Variants in SLC24A2 observed in about 807,000 individuals in gnomAD.
The protein encoded by SLC24A2 is sodium/potassium/calcium exchanger 2.
A neutral mutation model predicts 62.0 loss-of-function variants in SLC24A2; 36 were observed. That is an observed-to-expected ratio of 0.58 (90% confidence interval 0.44 to 0.77). The LOEUF (loss-of-function observed/expected upper bound fraction) is 0.77, where lower values mean the gene tolerates loss of function less well. Ranked by LOEUF, SLC24A2 falls within the 30% of genes least tolerant of loss-of-function variation. The pLI is 0.00. For synonymous variants in SLC24A2, 358 were observed against 294.0 expected, an observed-to-expected ratio of 1.22 and a Z score of -2.23; for missense variants, 846 against 817.9, an observed-to-expected ratio of 1.03 and a Z score of -0.42.
chr9:19,846,474 A>C, the SLC24A2 span, among the ~76,000 whole-genome samples: 3 of 152,074 alleles, frequency 2.0e-5, no homozygotes, highest in South Asian at 6.2e-4. Flanking sequence ...CCCTGATCCT[A>C]TGGGTGTAAT....
chr9:19,507,607 A>T lies in SLC24A2; in HGVS notation c.*8546T>A, dbSNP rs1832547427. 1 of 152,260 alleles carries T rather than the reference A, an allele frequency of 6.6e-6. No homozygotes were observed. The highest frequency in any genetic ancestry group is 2.1e-4 in the South Asian group (1 of 4,836). 9.4% of individuals were successfully genotyped at this position (152,260 alleles called of 1,614,324 possible). The stretch of plus-strand genomic sequence containing the variant: ...AACACCCTTTATCAGAATGAAGTCC[A>T]TGTGACAGAAGTACATACTTCAGAC... On this transcript the variant is annotated 3_prime_UTR_variant, in exon 11 of 11. Coordinates refer to ENST00000341998, the MANE Select transcript of SLC24A2 (RefSeq NM_020344.4).
intron 8 of SLC24A2, among the ~76,000 whole-genome samples, chr9:19,541,977 C>T (rs1360996516): frequency 2.6e-5 from 4 of 152,314 alleles, no homozygotes; most frequent in East Asian, 1.9e-4. Context: ...TTCCAGGTGC[C>T]GTCTGTCACC....
At chr9:20,084,631 A>G in the SLC24A2 span, among the ~76,000 whole-genome samples, 1 of 151,996 alleles carries the variant, frequency 6.6e-6, no homozygotes, top group South Asian at 2.1e-4. Flanking sequence ...ACAAGACCTC[A>G]TTCATTGCTG....
chr9:19,843,237 G>C, the SLC24A2 span, among the ~76,000 whole-genome samples: 3 of 152,224 alleles, frequency 2.0e-5, no homozygotes, highest in Non-Finnish European at 4.4e-5. Context: ...GCAGTGGCTT[G>C]TGCCTTGTAA....
rs141892362 is a variant in SLC24A2, at chr9:19,618,353, T to C, written c.1078+1231A>G. On this transcript the variant is annotated intron_variant, in intron 4 of 10. Transcript: ENST00000341998. ...GTAGATAGAGTAATGATATTTAGGATGTCCCTGGCTAAGAATTACCTCTAG... is the reference window on the plus strand; with the variant it reads ...GTAGATAGAGTAATGATATTTAGGACGTCCCTGGCTAAGAATTACCTCTAG... Among the ~76,000 whole-genome samples the C allele has an allele frequency of 4.9e-4, 74 of 152,284 alleles. 1 individual carries two copies. The highest frequency in any genetic ancestry group is 1.8e-3 in the African/African-American group (73 of 41,564).
At chr9:19,943,367 T>G in the SLC24A2 span, among the ~76,000 whole-genome samples, 1 of 152,186 alleles carries the variant, frequency 6.6e-6, no homozygotes, top group African/African-American at 2.4e-5. Flanking sequence ...TATTCCACTA[T>G]TCTACTATTC....
intron 2 of SLC24A2, among the ~76,000 whole-genome samples, chr9:19,696,543 T>C (rs1218803470): frequency 2.0e-5 from 3 of 152,290 alleles, no homozygotes; most frequent in African/African-American, 7.2e-5. Flanking sequence ...CAGAGAACTT[T>C]GAGTATGTGA....
At chr9:19,773,879 G>A (rs2118902531) in intron 2 of SLC24A2, among the ~76,000 whole-genome samples, 1 of 152,352 alleles carries the variant, frequency 6.6e-6, no homozygotes, top group East Asian at 1.9e-4. Context: ...TCATGGTTGA[G>A]CAAGGTTTAG....
At chr9:20,064,763 C>T in the SLC24A2 span, among the ~76,000 whole-genome samples, 118 of 152,272 alleles carry the variant, frequency 7.7e-4, no homozygotes, top group Non-Finnish European at 1.4e-3. Flanking sequence ...AAGCAGAAAT[C>T]AGGAAGAGCC....
chr9:20,188,820 T>C, the SLC24A2 span, among the ~76,000 whole-genome samples: 1 of 152,144 alleles, frequency 6.6e-6, no homozygotes, highest in African/African-American at 2.4e-5. Context: ...GGCACATGGA[T>C]TGTAGCCCAG....
the SLC24A2 span, among the ~76,000 whole-genome samples, chr9:20,114,021 A>C: frequency 1.3e-5 from 2 of 152,180 alleles, no homozygotes; most frequent in African/African-American, 2.4e-5. Flanking sequence ...ACCACATCGT[A>C]GGAAAAGAGA....
chr9:20,095,463 G>A, the SLC24A2 span, among the ~76,000 whole-genome samples: 2 of 152,148 alleles, frequency 1.3e-5, no homozygotes, highest in Admixed American at 1.3e-4. Context: ...TTCTATTGTG[G>A]ATGGGCCTCA....
chr9:19,630,811 ACAAATAT>A (rs1362827269), intron 2 of SLC24A2, among the ~76,000 whole-genome samples: 1 of 152,228 alleles, frequency 6.6e-6, no homozygotes, highest in Admixed American at 6.5e-5. Context: ...AATAAAGGGC[ACAAATAT>A]CAAGCATACA....
chr9:19,789,172 T>C (rs993209942), upstream of SLC24A2, among the ~76,000 whole-genome samples: 3 of 152,194 alleles, frequency 2.0e-5, no homozygotes, highest in South Asian at 2.1e-4. Flanking sequence ...CCACGCCTCC[T>C]GGGCGCAGAG....
At chr9:20,245,383 A>C in the SLC24A2 span, among the ~76,000 whole-genome samples, 2 of 152,362 alleles carry the variant, frequency 1.3e-5, no homozygotes, top group Admixed American at 1.3e-4. Flanking sequence ...AGAGGATCCC[A>C]GAGAGAGGCA....
the SLC24A2 span, among the ~76,000 whole-genome samples, chr9:20,134,454 G>T: frequency 6.6e-5 from 10 of 152,214 alleles, no homozygotes; most frequent in East Asian, 1.6e-3. Flanking sequence ...GAGTCTGAAG[G>T]CCTCACAGCA....
chr9:19,719,002 T>C (rs1820946855), intron 2 of SLC24A2, among the ~76,000 whole-genome samples: 1 of 152,220 alleles, frequency 6.6e-6, no homozygotes, highest in Non-Finnish European at 1.5e-5. Flanking sequence ...CACTGAATAT[T>C]AGAAGAAAGC....
At chr9:20,204,564 G>C in the SLC24A2 span, among the ~76,000 whole-genome samples, 1 of 152,044 alleles carries the variant, frequency 6.6e-6, no homozygotes, top group African/African-American at 2.4e-5. Flanking sequence ...TGTCGTACTG[G>C]TGTTGCAAAA....
At chr9:20,293,674 T>A in the SLC24A2 span, among the ~76,000 whole-genome samples, 1 of 152,304 alleles carries the variant, frequency 6.6e-6, no homozygotes, top group Non-Finnish European at 1.5e-5. Context: ...ACAAGTATTA[T>A]CTTTGCTCAT....
Sources: allele counts gnomAD v4.1 joint callset (sites outside exome capture counted in the v4.1 genomes callset), GRCh38; gene constraint gnomAD v4.1.1; transcripts MANE v1.5; gene names NCBI Gene and HGNC (gene_info 2026-07-23, HGNC 2026-07-21).